The following DLG2 variants were observed in gnomAD, a reference collection of about 807,000 sequenced individuals.
The protein encoded by DLG2 is discs large MAGUK scaffold protein 2.
A neutral mutation model predicts 132.5 loss-of-function variants in DLG2; 45 were observed. That is an observed-to-expected ratio of 0.34 (90% CI 0.27 to 0.44). The LOEUF (loss-of-function observed/expected upper bound fraction) is 0.44. Ranked by LOEUF, DLG2 falls within the 20% of genes least tolerant of loss-of-function variation. DLG2 has a pLI of 1.00. For missense variants in DLG2, 1,045 were observed against 1,196.9 expected (o/e 0.87, Z 1.87); for synonymous variants, 424 against 419.6 (o/e 1.01, Z -0.13).
At chr11:85,597,660 G>C (rs1413058611) in intron 3 of DLG2, among the ~76,000 whole-genome samples, 1 of 151,496 alleles carries the variant, frequency 6.6e-6, no homozygotes, top group Non-Finnish European at 1.5e-5. Context: ...AAACTATAAA[G>C]TTGGAGTTTT....
chr11:85,601,850 A>G (rs1017757720), intron 2 of DLG2, among the ~76,000 whole-genome samples: 2 of 152,156 alleles, frequency 1.3e-5, no homozygotes, highest in Non-Finnish European at 2.9e-5. Flanking sequence ...TGTTTAGAAT[A>G]CCTCTGAACA....
chr11:83,894,890 A>C (rs1463839049), intron 15 of DLG2, among the ~76,000 whole-genome samples: 1 of 152,172 alleles, frequency 6.6e-6, no homozygotes, highest in African/African-American at 2.4e-5. Flanking sequence ...GAAAACATAC[A>C]ATACTTGCCT....
intron 4 of DLG2, among the ~76,000 whole-genome samples, chr11:85,262,562 C>T (rs1375312964): frequency 6.6e-6 from 1 of 152,154 alleles, no homozygotes; most frequent in Non-Finnish European, 1.5e-5. Context: ...ACCCTAGCAC[C>T]TGGATCCATT....
intron 6 of DLG2, among the ~76,000 whole-genome samples, chr11:84,682,142 T>C (rs1391827093): frequency 6.6e-6 from 1 of 152,102 alleles, no homozygotes; most frequent in African/African-American, 2.4e-5. Flanking sequence ...TCTACCTCCA[T>C]TACCCAAACA....
chr11:85,036,393 C>A (rs2061437978), intron 6 of DLG2, among the ~76,000 whole-genome samples: 1 of 152,162 alleles, frequency 6.6e-6, no homozygotes, highest in Non-Finnish European at 1.5e-5. Context: ...TCTGTCTGTT[C>A]ACTGCCACAT....
intron 18 of DLG2, among the ~76,000 whole-genome samples, chr11:83,766,881 T>C (rs1229917112): frequency 6.6e-6 from 1 of 152,218 alleles, no homozygotes; most frequent in East Asian, 1.9e-4. Flanking sequence ...GAATAAATTA[T>C]CTGTCCACAG....
At position 85,383,312 on chromosome 11, in the gene DLG2, T is replaced by G. The variant is rs564256043; in HGVS notation, c.41-97947A>C. Among the ~76,000 whole-genome samples the G allele has an allele frequency of 2.0e-5, 3 of 152,186 alleles. No individual in the cohort carries two copies. In the South Asian group the frequency reaches 6.2e-4, roughly 32 times the overall value. On this transcript the variant is annotated intron_variant, in intron 3 of 27. Coordinates refer to ENST00000376104, the MANE Select transcript of DLG2 (RefSeq NM_001142699.3). ...AGATTAGTAGCCTAGGTGCTGAGGA[T>G]AGGGGATGTGAGGAGTAACTACTAA...
At chr11:85,532,116 C>T (rs2075252678) in intron 3 of DLG2, among the ~76,000 whole-genome samples, 1 of 152,224 alleles carries the variant, frequency 6.6e-6, no homozygotes, top group Non-Finnish European at 1.5e-5. Context: ...ATCATAATCC[C>T]TCGCTTTTCT....
At chr11:85,261,398 C>T (rs979742617) in intron 4 of DLG2, among the ~76,000 whole-genome samples, 12 of 152,052 alleles carry the variant, frequency 7.9e-5, no homozygotes, top group African/African-American at 2.9e-4. Flanking sequence ...CACCACACCT[C>T]CCCATAGAAC....
chr11:83,921,854 T>G (rs889790205), intron 15 of DLG2, among the ~76,000 whole-genome samples: 1 of 152,148 alleles, frequency 6.6e-6, no homozygotes, highest in Non-Finnish European at 1.5e-5. Context: ...CTTTTAACTT[T>G]TTTTTAAAAA....
At position 85,306,671 on chromosome 11, in the gene DLG2, G is replaced by C. The variant is rs1186986846; in HGVS notation, c.41-21306C>G. ...CTGCAAGCTCCACCTCCTGGGTTCA[G>C]GCCATTCTCCTGCCTCAGCCTCCCC... On this transcript the variant is annotated intron_variant, in intron 3 of 27. Coordinates refer to ENST00000376104, the MANE Select transcript of DLG2 (RefSeq NM_001142699.3). Among the ~76,000 whole-genome samples the C allele has an allele frequency of 3.9e-5, 6 of 152,044 alleles. No individual in the cohort carries two copies. In the South Asian group the frequency reaches 1.2e-3, roughly 32 times the overall value.
intron 18 of DLG2, among the ~76,000 whole-genome samples, chr11:83,672,143 C>A (rs2076933448): frequency 6.6e-6 from 1 of 151,788 alleles, no homozygotes; most frequent in Non-Finnish European, 1.5e-5. Flanking sequence ...TCCTTCCCTT[C>A]TTTCCTTTCC....
intron 3 of DLG2, among the ~76,000 whole-genome samples, chr11:85,494,746 T>C (rs1031414658): frequency 2.0e-5 from 3 of 152,010 alleles, no homozygotes; most frequent in Non-Finnish European, 4.4e-5. Flanking sequence ...GTTTTGGCTT[T>C]AAAAGAAAGT....
At chr11:84,233,583 G>T (rs2097122721) in intron 8 of DLG2, among the ~76,000 whole-genome samples, 1 of 152,162 alleles carries the variant, frequency 6.6e-6, no homozygotes, top group Non-Finnish European at 1.5e-5. Flanking sequence ...GAACCTGCCT[G>T]CAGGATAAAA....
chr11:85,074,366 C>A (rs1049854992), intron 6 of DLG2, among the ~76,000 whole-genome samples: 1 of 151,766 alleles, frequency 6.6e-6, no homozygotes, highest in Non-Finnish European at 1.5e-5. Flanking sequence ...ACTTTTTTGC[C>A]AGTGAATCAG....
At chr11:84,849,895 A>G (rs1047070329) in intron 6 of DLG2, among the ~76,000 whole-genome samples, 1 of 152,106 alleles carries the variant, frequency 6.6e-6, no homozygotes, top group South Asian at 2.1e-4. Context: ...GCAGTAACAT[A>G]TTGCTATTGA....
At chr11:84,901,407 C>T (rs1212980891) in intron 6 of DLG2, among the ~76,000 whole-genome samples, 1 of 152,086 alleles carries the variant, frequency 6.6e-6, no homozygotes, top group African/African-American at 2.4e-5. Flanking sequence ...TACTCACGCA[C>T]TTTACTAAAG....
intron 12 of DLG2, among the ~76,000 whole-genome samples, chr11:83,975,015 T>TA (rs2091988245): frequency 2.0e-5 from 3 of 152,042 alleles, no homozygotes; most frequent in African/African-American, 7.2e-5. Context: ...ATTTTAAACC[T>TA]TAAATTACAA....
chr11:85,559,818 T>TGATA (rs59676725), intron 3 of DLG2, among the ~76,000 whole-genome samples: 49,580 of 144,162 alleles, frequency 0.34, 8,646 homozygotes, highest in South Asian at 0.43. Flanking sequence ...GTTAGATGAT[T>TGATA]GATAGATAGA....
Sources: allele counts gnomAD v4.1 joint callset (sites outside exome capture counted in the v4.1 genomes callset), GRCh38; gene constraint gnomAD v4.1.1; transcripts MANE v1.5; gene names NCBI Gene and HGNC (gene_info 2026-07-23, HGNC 2026-07-21).